Variants in XKR8 observed in about 807,000 individuals in gnomAD.
The protein encoded by XKR8 is XK related 8, also known as XK-related protein 8.
XKR8 carries 10 observed loss-of-function variants against 17.1 expected under a neutral mutation model. The ratio of observed to expected loss-of-function variants is 0.59; its 90% CI spans 0.36 to 0.99. The LOEUF is 0.99. Among genes scored for constraint, XKR8 ranks in the 50% least tolerant of loss-of-function variants. The pLI is 0.01. For synonymous variants in XKR8, 213 were observed against 251.9 expected (o/e 0.85, Z 1.46); for missense variants, 411 against 515.6 (o/e 0.80, Z 1.96).
rs1638597453 is a variant in XKR8 at position 27,967,314 on chromosome 1, C to T, written c.*114C>T. The T allele has an allele frequency of 1.6e-6, 2 of 1,246,784 alleles. No homozygotes were observed. Among genetic ancestry groups the T allele is most frequent in the South Asian group, 3.1e-5 (2 of 65,228 alleles). 77.2% of individuals were successfully genotyped at this position (1,246,784 alleles called of 1,614,324 possible). Reference sequence around the variant, plus strand: ...ACGATGCTGCTGTGGCCTCTATGCACTCAGCAAGAGCGGGACGCCTGTGCT... The same window carrying T: ...ACGATGCTGCTGTGGCCTCTATGCATTCAGCAAGAGCGGGACGCCTGTGCT... On this transcript the variant is annotated 3_prime_UTR_variant, in exon 3 of 3. Coordinates refer to ENST00000373884, the MANE Select transcript of XKR8 (RefSeq NM_018053.4). The surrounding 1 kb of genome is among the most constrained non-coding windows in gnomAD (Gnocchi z 4.3).
Position 27,963,542 on chromosome 1 carries a change from G to A in XKR8, c.339G>A (p.Glu113=), listed in dbSNP as rs1197096583. ...LRQGLLVWQQ[E]EPSEFDLAYA... ...AGGGGCTGCTGGTGTGGCAGCAGGAGGAGCCCTCTGAGTTTGACTTGGCCT... is the reference window on the plus strand; with the variant it reads ...AGGGGCTGCTGGTGTGGCAGCAGGAAGAGCCCTCTGAGTTTGACTTGGCCT... The change falls in exon 2 of 3, where the codon GAG becomes GAA. Residue 113 remains glutamate (E), a synonymous_variant. Transcript: ENST00000373884. 2.5e-6 allele frequency: 4 copies of A among 1,613,818 alleles called. No individual in the cohort carries two copies. Among genetic ancestry groups the A allele is most frequent in the Non-Finnish European group, 2.5e-6 (3 of 1,179,836 alleles).
Position 27,967,181 on chromosome 1 carries a change from C to T in XKR8, c.1169C>T (p.Ala390Val). Residue 390 changes from alanine (A) to valine (V), a missense_variant, in exon 3 of 3, where the codon GCT becomes GTT. Coordinates refer to ENST00000373884, the MANE Select transcript of XKR8 (RefSeq NM_018053.4). The surrounding 1 kb of genome is among the most constrained non-coding windows in gnomAD (Gnocchi z 4.3). Reference protein sequence around the residue: ...KFFPKAKDEAASPVKG With the variant: ...KFFPKAKDEAVSPVKG ...TTCCCCAAGGCTAAGGATGAGGCTG[C>T]TTCGCCAGTGAAGGGATAGGTGAAC... is the stretch of plus-strand genomic sequence containing the variant. 2 of 1,559,138 alleles carry T rather than the reference C, an allele frequency of 1.3e-6. No homozygotes were observed. The highest frequency in any genetic ancestry group is 8.7e-7 in the Non-Finnish European group (1 of 1,150,128).
chr1:27,964,881 TC>T (rs1210349308), intron 2 of XKR8, among the ~76,000 whole-genome samples: 2 of 152,084 alleles, frequency 1.3e-5, no homozygotes, highest in Admixed American at 6.6e-5. Context: ...TGCCACAGCC[TC>T]TCAAGAAACC....
rs1191697063 is a variant in XKR8 at position 27,960,016 on chromosome 1, C to T, written c.-54C>T. ...CTTCCTGCCTCGGCAACCCCGGGCC[C>T]TGAGGGCAGGCCCCAACCGCGGAGG... On this transcript the variant is annotated 5_prime_UTR_variant, in exon 1 of 3. Transcript: ENST00000373884. This position sits in a 1 kb window ranked among gnomAD's most constrained non-coding sequence, Gnocchi z 5.9. The T allele has an allele frequency of 7.4e-7, 1 of 1,353,564 alleles. No homozygotes were observed. The highest frequency in any genetic ancestry group is 9.5e-7 in the Non-Finnish European group (1 of 1,057,150). The allele number at this position is 1,353,564 out of a possible 1,614,324, so 83.8% of individuals were successfully genotyped here.
rs1638567105 is a variant in XKR8 at position 27,966,354 on chromosome 1, C to T, written c.491-149C>T. On this transcript the variant is annotated intron_variant, in intron 2 of 2. Transcript: ENST00000373884. This position sits in a 1 kb window ranked among gnomAD's most constrained non-coding sequence, Gnocchi z 4.3. ...TTTTGGTTGTGGGAACTCACTGGGTCTTCTCTAGCTGCAGATTTGCCTTCA... is the reference window on the plus strand; with the variant it reads ...TTTTGGTTGTGGGAACTCACTGGGTTTTCTCTAGCTGCAGATTTGCCTTCA... 3 of 720,762 alleles carry T rather than the reference C, an allele frequency of 4.2e-6. No individual in the cohort carries two copies. The highest frequency in any genetic ancestry group is 6.8e-6 in the Non-Finnish European group (3 of 438,460). The allele number at this position is 720,762 out of a possible 1,614,324, so 44.6% of individuals were successfully genotyped here.
At chr1:27,963,396 GA>G (rs1162171250) in intron 1 of XKR8, 100 bp from the exon 2 acceptor site, 2 of 1,389,146 alleles carry the variant, frequency 1.4e-6, no homozygotes, top group Non-Finnish European at 1.9e-6. Flanking sequence ...TGGATGTGAG[GA>G]GACAGGTTGG....
Position 27,965,243 on chromosome 1 carries a change from C to A in XKR8, c.491-1260C>A, listed in dbSNP as rs2148687150. ...GGTTGGGGGTGTCTAGAACCAGGGC[C>A]AAGTGCAGACAGTCTGCACTGTGAG... is the stretch of plus-strand genomic sequence containing the variant. On this transcript the variant is annotated intron_variant, in intron 2 of 2. Transcript: ENST00000373884. This position sits in a 1 kb window ranked among gnomAD's most constrained non-coding sequence, Gnocchi z 4.1. 6.6e-6 allele frequency among the ~76,000 whole-genome samples: 1 copy of A among 152,206 alleles called. No individual in the cohort carries two copies. The highest frequency in any genetic ancestry group is 1.5e-5 in the Non-Finnish European group (1 of 68,020).
In XKR8 at chr1:27,966,385, C is replaced by G; in HGVS notation, c.491-118C>G. 1 of 992,462 alleles carries G rather than the reference C, an allele frequency of 1.0e-6. No individual in the cohort carries two copies. The highest frequency in any genetic ancestry group is 1.7e-5 in the South Asian group (1 of 60,318). The allele number at this position is 992,462 out of a possible 1,614,324, so 61.5% of individuals were successfully genotyped here. ...TAGCTGCAGATTTGCCTTCAACAAA[C>G]GAGGGATTCTAATACCTACCCCAGG... On this transcript the variant is annotated intron_variant, in intron 2 of 2. Coordinates refer to ENST00000373884, the MANE Select transcript of XKR8 (RefSeq NM_018053.4). This position sits in a 1 kb window ranked among gnomAD's most constrained non-coding sequence, Gnocchi z 4.3.
chr1:27,966,949 G>T lies in XKR8; in HGVS notation c.937G>T (p.Gly313Trp), dbSNP rs762261954. ...GACTCATAGCTCCTGGCTGCCCAGCGGGATTCCACTGCAGCTGTGGCTGCC... is the reference window on the plus strand; with the variant it reads ...GACTCATAGCTCCTGGCTGCCCAGCTGGATTCCACTGCAGCTGTGGCTGCC... Reference protein sequence around the residue: ...WVTHSSWLPSGIPLQLWLPVG... With the variant: ...WVTHSSWLPSWIPLQLWLPVG... Residue 313 changes from glycine to tryptophan, a missense_variant, in exon 3 of 3, where the codon GGG becomes TGG. Transcript: ENST00000373884. This position sits in a 1 kb window ranked among gnomAD's most constrained non-coding sequence, Gnocchi z 4.3. 9 of 1,614,188 alleles carry T rather than the reference G, an allele frequency of 5.6e-6. No individual in the cohort carries two copies. Among genetic ancestry groups the T allele is most frequent in the Non-Finnish European group, 5.9e-6 (7 of 1,180,040 alleles).
chr1:27,960,260 G>T lies in XKR8; in HGVS notation c.191G>T (p.Ser64Ile). ...GCCTCCGTGGCGCTGCAGCTCTTCA[G>T]CTGGCTCTGGCTGCGCGCTGACCCT... is the stretch of plus-strand genomic sequence containing the variant. ...GLASVALQLFSWLWLRADPAG... is the reference protein window; with the variant it reads ...GLASVALQLFIWLWLRADPAG... Residue 64 changes from serine to isoleucine, a missense_variant, in exon 1 of 3, where the codon AGC (serine) becomes ATC (isoleucine). By Grantham distance (142) the Ser-to-Ile change is moderately radical (BLOSUM62 -2). Transcript: ENST00000373884. This position sits in a 1 kb window ranked among gnomAD's most constrained non-coding sequence, Gnocchi z 5.9. The T allele has an allele frequency of 6.6e-7, 1 of 1,521,456 alleles. No homozygotes were observed. The highest frequency in any genetic ancestry group is 8.8e-7 in the Non-Finnish European group (1 of 1,141,320). 94.2% of individuals were successfully genotyped at this position (1,521,456 alleles called of 1,614,324 possible). A position where few individuals can be genotyped will look rare whatever the true frequency, so the allele number is the denominator to read the frequency against.
At chr1:27,963,458 A>T (rs776138524) in intron 1 of XKR8, 39 bp from the exon 2 acceptor site, 1 of 1,571,138 alleles carries the variant, frequency 6.4e-7, no homozygotes, top group Admixed American at 1.8e-5. Flanking sequence ...TTCACAGGAC[A>T]CTAACCTGGC....
In XKR8 at chr1:27,963,672, G is replaced by T. The variant is rs760825426; in HGVS notation, c.469G>T (p.Gly157Cys). 2 of 1,586,440 alleles carry T rather than the reference G, an allele frequency of 1.3e-6. No homozygotes were observed. The highest frequency in any genetic ancestry group is 2.3e-5 in the South Asian group (2 of 87,700). Residue 157 changes from glycine to cysteine, a missense_variant, in exon 2 of 3, where the codon GGC becomes TGC. Physicochemically the swap from Gly to Cys is radical, Grantham distance 159. Transcript: ENST00000373884. ...TLVLAIMLQS[G>C]RAEYYQWVGI... ...GGTGCTGGCCATCATGCTGCAGAGT[G>T]GCCGGGCTGAGTACTACCAGTGTGA...
rs1442546559 is a variant in XKR8 at position 27,967,854 on chromosome 1, A to AGTG, written c.*655_*657dup. The AGTG allele has an allele frequency of 3.3e-5, 5 of 152,814 alleles. No homozygotes were observed. In the East Asian group the frequency reaches 9.6e-4, roughly 29 times the overall value. The allele number at this position is 152,814 out of a possible 1,614,324, so 9.5% of individuals were successfully genotyped here. A position where few individuals can be genotyped will look rare whatever the true frequency, so the allele number is the denominator to read the frequency against. On this transcript the variant is annotated 3_prime_UTR_variant, in exon 3 of 3. Coordinates refer to ENST00000373884, the MANE Select transcript of XKR8 (RefSeq NM_018053.4). This position sits in a 1 kb window ranked among gnomAD's most constrained non-coding sequence, Gnocchi z 4.3. ...CCCCAGTCAGAACCTCTGGGATCTC[A>AGTG]GTGAAGCTGGCCTGGCCTCTGCTCC...
At position 27,963,657 on chromosome 1, in the gene XKR8, A is replaced by G. The variant is rs1303442139; in HGVS notation, c.454A>G (p.Ile152Val). 3 of 1,602,816 alleles carry G rather than the reference A, an allele frequency of 1.9e-6. No individual in the cohort carries two copies. Among genetic ancestry groups the G allele is most frequent in the Non-Finnish European group, 2.6e-6 (3 of 1,174,748 alleles). ...TAPQLTLVLA[I>V]MLQSGRAEYY... Reference sequence around the variant, plus strand: ...ACCACAGCTCACGCTGGTGCTGGCCATCATGCTGCAGAGTGGCCGGGCTGA... The same window carrying G: ...ACCACAGCTCACGCTGGTGCTGGCCGTCATGCTGCAGAGTGGCCGGGCTGA... Residue 152 changes from isoleucine to valine, a missense_variant, in exon 2 of 3, where the codon ATC (isoleucine) becomes GTC (valine). Coordinates refer to ENST00000373884, the MANE Select transcript of XKR8 (RefSeq NM_018053.4).
In XKR8 at chr1:27,966,366, C is replaced by A; in HGVS notation, c.491-137C>A. Reference sequence around the variant, plus strand: ...GAACTCACTGGGTCTTCTCTAGCTGCAGATTTGCCTTCAACAAACGAGGGA... The same window carrying A: ...GAACTCACTGGGTCTTCTCTAGCTGAAGATTTGCCTTCAACAAACGAGGGA... On this transcript the variant is annotated intron_variant, in intron 2 of 2. Coordinates refer to ENST00000373884, the MANE Select transcript of XKR8 (RefSeq NM_018053.4). This position sits in a 1 kb window ranked among gnomAD's most constrained non-coding sequence, Gnocchi z 4.3. 1 of 781,244 alleles carries A rather than the reference C, an allele frequency of 1.3e-6. No homozygotes were observed. Among genetic ancestry groups the A allele is most frequent in the Non-Finnish European group, 2.0e-6 (1 of 489,692 alleles). The allele number at this position is 781,244 out of a possible 1,614,324, so 48.4% of individuals were successfully genotyped here. A position where few individuals can be genotyped will look rare whatever the true frequency, so the allele number is the denominator to read the frequency against.
In XKR8 at chr1:27,965,100, C is replaced by T. The variant is rs1486383503; in HGVS notation, c.491-1403C>T. Reference sequence around the variant, plus strand: ...ACTTACAGTCATCATTGCTCATGTTCACAGCAGCCCTGTAGGTTTGTGCTA... The same window carrying T: ...ACTTACAGTCATCATTGCTCATGTTTACAGCAGCCCTGTAGGTTTGTGCTA... On this transcript the variant is annotated intron_variant, in intron 2 of 2. Transcript: ENST00000373884. This position sits in a 1 kb window ranked among gnomAD's most constrained non-coding sequence, Gnocchi z 4.1. Among the ~76,000 whole-genome samples, 2 of 152,194 alleles carry T rather than the reference C, an allele frequency of 1.3e-5. No homozygotes were observed. The highest frequency in any genetic ancestry group is 2.4e-5 in the African/African-American group (1 of 41,444).
intron 1 of XKR8, among the ~76,000 whole-genome samples, chr1:27,962,760 T>TA (rs1235498630): frequency 5.3e-5 from 8 of 151,858 alleles, no homozygotes; most frequent in Non-Finnish European, 1.0e-4. Context: ...TCCAACTAAT[T>TA]AAAAAAAATT....
Position 27,963,525 on chromosome 1 carries a change from C to T in XKR8, c.322C>T (p.Leu108=), listed in dbSNP as rs1311485021. The change falls in exon 2 of 3, where the codon CTG becomes TTG. Residue 108 remains leucine (L), a synonymous_variant. Coordinates refer to ENST00000373884, the MANE Select transcript of XKR8 (RefSeq NM_018053.4). ...CGTGCAGGAGCTGCGGCAGGGGCTG[C>T]TGGTGTGGCAGCAGGAGGAGCCCTC... ...RCVQELRQGL[L]VWQQEEPSEF... The T allele has an allele frequency of 1.9e-6, 3 of 1,612,994 alleles. No homozygotes were observed. The highest frequency in any genetic ancestry group is 1.7e-6 in the Non-Finnish European group (2 of 1,179,464).
At chr1:27,964,341 A>G (rs889552805) in intron 2 of XKR8, 1 of 151,892 alleles carries the variant, frequency 6.6e-6, no homozygotes, top group Non-Finnish European at 1.5e-5. Flanking sequence ...AAGATAATGA[A>G]GTGTGTAAGG....
Sources: gnomAD v4.1 joint callset for allele counts (sites outside exome capture counted in the v4.1 genomes callset) on GRCh38, gnomAD v4.1.1 for gene constraint, Gnocchi (gnomAD v3.1) non-coding constraint, MANE v1.5 for transcripts, NCBI Gene and HGNC (gene_info 2026-07-23, HGNC 2026-07-21) for gene names.